The following NBEA variants were observed in gnomAD, a reference collection of about 807,000 sequenced individuals.
NBEA encodes the protein lysosomal-trafficking regulator 2.
Under a neutral mutation model 343.4 loss-of-function variants are expected in NBEA, and 44 were observed. The observed-to-expected ratio is 0.13, with a 90% confidence interval of 0.10 to 0.16. NBEA has a LOEUF of 0.16. NBEA is among the 10% of genes least tolerant of loss of function. The pLI is 1.00. For missense variants in NBEA, 2,555 were observed against 3,631.3 expected (o/e 0.70, Z 7.62); for synonymous variants, 1,175 against 1,238.7 (o/e 0.95, Z 1.08).
intron 34 of NBEA, among the ~76,000 whole-genome samples, chr13:35,235,005 C>T (rs368560129): frequency 1.3e-5 from 2 of 151,996 alleles, no homozygotes; most frequent in African/African-American, 2.4e-5. Flanking sequence ...GAATAATTTC[C>T]GAAAACAATA....
chr13:35,175,391 T>C (rs1035345568), intron 27 of NBEA, among the ~76,000 whole-genome samples: 1 of 152,202 alleles, frequency 6.6e-6, no homozygotes, highest in Non-Finnish European at 1.5e-5. Flanking sequence ...ACACTTAATA[T>C]ATTGTCGTGA....
chr13:35,375,242 A>G (rs1417961653), intron 38 of NBEA, among the ~76,000 whole-genome samples: 1 of 152,156 alleles, frequency 6.6e-6, no homozygotes, highest in Non-Finnish European at 1.5e-5. Context: ...TTTAAAATTC[A>G]TGGTAGACAT....
chr13:35,358,886 G>A (rs73494511), intron 38 of NBEA, among the ~76,000 whole-genome samples: 1,866 of 152,196 alleles, frequency 0.012, 47 homozygotes, highest in African/African-American at 0.043. Context: ...GATGAGTAGC[G>A]CGTCTTTAGC....
intron 45 of NBEA, among the ~76,000 whole-genome samples, chr13:35,583,036 TAAATC>T (rs1476383457): frequency 6.6e-6 from 1 of 152,208 alleles, no homozygotes; most frequent in Non-Finnish European, 1.5e-5. Context: ...GTATGCAACT[TAAATC>T]AAAATAATGT....
intron 1 of NBEA, among the ~76,000 whole-genome samples, chr13:34,986,215 TGA>T (rs1209858956): frequency 6.6e-6 from 1 of 150,750 alleles, no homozygotes; most frequent in African/African-American, 2.4e-5. Flanking sequence ...AATGTGCCAC[TGA>T]GATTTTGGTA....
chr13:35,300,774 A>C (rs535654005), intron 35 of NBEA, among the ~76,000 whole-genome samples: 1 of 152,326 alleles, frequency 6.6e-6, no homozygotes, highest in African/African-American at 2.4e-5. Flanking sequence ...CTAAAAATTC[A>C]TCGGTAGCTT....
chr13:35,549,330 C>T (rs931986748), intron 41 of NBEA, among the ~76,000 whole-genome samples: 1 of 152,026 alleles, frequency 6.6e-6, no homozygotes, highest in Non-Finnish European at 1.5e-5. Flanking sequence ...GAATATAATG[C>T]ATGTAAAATG....
chr13:35,213,512 G>A (rs1439540059), intron 33 of NBEA, among the ~76,000 whole-genome samples: 1 of 151,880 alleles, frequency 6.6e-6, no homozygotes, highest in Non-Finnish European at 1.5e-5. Context: ...ATAAGTAATG[G>A]AGTATTTGGA....
At chr13:35,212,735 T>C (rs2073852550) in intron 33 of NBEA, among the ~76,000 whole-genome samples, 1 of 152,130 alleles carries the variant, frequency 6.6e-6, no homozygotes, top group Non-Finnish European at 1.5e-5. Flanking sequence ...GGCAGAAGTA[T>C]AGTGGCATTC....
At chr13:35,613,319 CTATTTTATT>C (rs1223706411) in intron 48 of NBEA, among the ~76,000 whole-genome samples, 4 of 150,266 alleles carry the variant, frequency 2.7e-5, no homozygotes, top group African/African-American at 9.7e-5. Flanking sequence ...TGTGCCTGGC[CTATTTTATT>C]TAACATAATA....
At chr13:35,367,500 G>A (rs1251234201) in intron 38 of NBEA, among the ~76,000 whole-genome samples, 1 of 150,486 alleles carries the variant, frequency 6.6e-6, no homozygotes, top group Non-Finnish European at 1.5e-5. Flanking sequence ...AATTTTTCTA[G>A]AAGTTACAAA....
intron 43 of NBEA, 135 bp downstream of exon 43, chr13:35,551,167 G>A (rs1439423634): frequency 2.0e-6 from 1 of 512,716 alleles, no homozygotes; most frequent in Non-Finnish European, 3.3e-6. Context: ...AAGGTTATTT[G>A]TAGGGATAGA....
chr13:35,315,970 T>C (rs2037687063), intron 36 of NBEA, among the ~76,000 whole-genome samples: 2 of 152,140 alleles, frequency 1.3e-5, no homozygotes, highest in Non-Finnish European at 1.5e-5. Context: ...TAAGAAACTA[T>C]TTCCTAAAGT....
chr13:35,349,697 C>G (rs1005347411), intron 37 of NBEA, among the ~76,000 whole-genome samples: 1 of 151,976 alleles, frequency 6.6e-6, no homozygotes, highest in Non-Finnish European at 1.5e-5. Flanking sequence ...TTTATGTGCC[C>G]TGCTGTTTGG....
At chr13:35,373,861 G>T (rs943267536) in intron 38 of NBEA, among the ~76,000 whole-genome samples, 1 of 152,020 alleles carries the variant, frequency 6.6e-6, no homozygotes, top group African/African-American at 2.4e-5. Flanking sequence ...GGTTGGTCTT[G>T]CTGTCTCAGG....
intron 36 of NBEA, among the ~76,000 whole-genome samples, chr13:35,345,383 G>A (rs1046352030): frequency 6.6e-6 from 1 of 152,054 alleles, no homozygotes; most frequent in Non-Finnish European, 1.5e-5. Flanking sequence ...AAGGAAGCAA[G>A]AGACTGATAA....
At chr13:35,440,417 T>C (rs1365672206) in intron 39 of NBEA, among the ~76,000 whole-genome samples, 2 of 152,210 alleles carry the variant, frequency 1.3e-5, no homozygotes, top group Non-Finnish European at 2.9e-5. Flanking sequence ...TAATATACAA[T>C]TGTAATATTT....
At chr13:35,044,530 A>G (rs2062771608) in intron 2 of NBEA, among the ~76,000 whole-genome samples, 1 of 151,662 alleles carries the variant, frequency 6.6e-6, no homozygotes. Flanking sequence ...GACAATAACC[A>G]GTTTGCAATT....
chr13:35,243,290 A>G (rs547643283), intron 34 of NBEA, among the ~76,000 whole-genome samples: 5 of 151,942 alleles, frequency 3.3e-5, no homozygotes, highest in Non-Finnish European at 7.4e-5. Flanking sequence ...ACGAAAGAAC[A>G]AGAGAAAAAG....
Sources: gnomAD v4.1 joint callset for allele counts (sites outside exome capture counted in the v4.1 genomes callset) on GRCh38, gnomAD v4.1.1 for gene constraint, MANE v1.5 for transcripts, NCBI Gene and HGNC (gene_info 2026-07-23, HGNC 2026-07-21) for gene names.